The following CTNNA3 variants were observed in gnomAD, a reference collection of about 807,000 sequenced individuals.
CTNNA3 encodes the protein catenin alpha-3.
Under a neutral mutation model 95.7 loss-of-function variants are expected in CTNNA3, and 76 were observed. The observed-to-expected ratio is 0.79, with a 90% CI of 0.66 to 0.96. CTNNA3 has a LOEUF of 0.96. Ranked by LOEUF, CTNNA3 falls within the 40% of genes least tolerant of loss-of-function variation. The pLI is 0.00. For synonymous variants in CTNNA3, 431 were observed against 374.4 expected (o/e 1.15, Z -1.74); for missense variants, 1,191 against 1,089.8 (o/e 1.09, Z -1.31).
At chr10:67,392,997 G>A (rs1283443187) in intron 5 of CTNNA3, among the ~76,000 whole-genome samples, 2 of 151,836 alleles carry the variant, frequency 1.3e-5, no homozygotes, top group African/African-American at 2.4e-5. Flanking sequence ...CATGGCACAT[G>A]TATACATATG....
intron 12 of CTNNA3, among the ~76,000 whole-genome samples, chr10:66,328,280 T>G (rs1335665734): frequency 6.6e-6 from 1 of 152,094 alleles, no homozygotes; most frequent in East Asian, 1.9e-4. Context: ...AAAACAGGGC[T>G]TAGATCATTT....
At position 66,009,510 on chromosome 10, in the gene CTNNA3, G is replaced by A. The variant is rs192437282; in HGVS notation, c.2160-20713C>T. On this transcript the variant is annotated intron_variant, in intron 15 of 17. Transcript: ENST00000433211. The stretch of plus-strand genomic sequence containing the variant: ...ATCCTGGGAAGGCTACAATGTTTAC[G>A]TTTTAGATAACAAATTTAAAGAAAC... Among the ~76,000 whole-genome samples, 240 of 150,860 alleles carry A rather than the reference G, an allele frequency of 1.6e-3. 3 individuals carry two copies. Among genetic ancestry groups the A allele is most frequent in the Admixed American group, 0.012 (190 of 15,256 alleles).
In CTNNA3 at chr10:66,045,521, AT is replaced by A. The variant is rs1263235602; in HGVS notation, c.2159+23786del. ...TGTAGAAATATATTTATTTACTTTG[AT>A]TTTGGTATCTCTAGTGGCATCCTAA... is the stretch of plus-strand genomic sequence containing the variant. On this transcript the variant is annotated intron_variant, in intron 15 of 17. Coordinates refer to ENST00000433211, the MANE Select transcript of CTNNA3 (RefSeq NM_013266.4). 2.6e-5 allele frequency among the ~76,000 whole-genome samples: 4 copies of A among 152,138 alleles called. No homozygotes were observed. In the South Asian group the frequency reaches 8.3e-4, roughly 32 times the overall value.
chr10:66,334,800 T>A (rs1381850972), intron 12 of CTNNA3, among the ~76,000 whole-genome samples: 3 of 152,108 alleles, frequency 2.0e-5, no homozygotes, highest in Non-Finnish European at 4.4e-5. Context: ...ATTGGGGAAG[T>A]TCTCCTGGAT....
chr10:66,050,801 C>T (rs1409003459), intron 15 of CTNNA3, among the ~76,000 whole-genome samples: 1 of 151,990 alleles, frequency 6.6e-6, no homozygotes, highest in Non-Finnish European at 1.5e-5. Context: ...TTTATGAATT[C>T]TTCATTAATC....
chr10:67,164,358 G>A (rs1291370567), intron 7 of CTNNA3, among the ~76,000 whole-genome samples: 1 of 151,978 alleles, frequency 6.6e-6, no homozygotes, highest in African/African-American at 2.4e-5. Context: ...GTAATCCAAT[G>A]GAGGAACAAA....
chr10:66,607,586 G>T (rs1844175397), intron 10 of CTNNA3, among the ~76,000 whole-genome samples: 2 of 151,066 alleles, frequency 1.3e-5, no homozygotes. Context: ...GAATCCAGCA[G>T]CACATCAAAA....
intron 9 of CTNNA3, among the ~76,000 whole-genome samples, chr10:66,761,589 A>C (rs1738617188): frequency 6.6e-6 from 1 of 152,146 alleles, no homozygotes; most frequent in South Asian, 2.1e-4. Context: ...AAAAGAGTGA[A>C]ATTTTTCAAA....
At chr10:67,364,094 C>A (rs1206295289) in intron 5 of CTNNA3, among the ~76,000 whole-genome samples, 2 of 152,062 alleles carry the variant, frequency 1.3e-5, no homozygotes, top group African/African-American at 2.4e-5. Flanking sequence ...CTGACAAACC[C>A]AATCCAGCAG....
At chr10:67,530,189 G>C (rs1840283907) in intron 4 of CTNNA3, among the ~76,000 whole-genome samples, 2 of 152,346 alleles carry the variant, frequency 1.3e-5, no homozygotes, top group South Asian at 4.1e-4. Flanking sequence ...GGTACCAGTA[G>C]AGTGGGGTGC....
Position 67,139,660 on chromosome 10 carries a change from G to A in CTNNA3, c.1047+40657C>T, listed in dbSNP as rs548249358. 1.2e-3 allele frequency among the ~76,000 whole-genome samples: 187 copies of A among 152,110 alleles called. 1 individual carries two copies. Among genetic ancestry groups the A allele is most frequent in the African/African-American group, 4.2e-3 (174 of 41,496 alleles). Reference sequence around the variant, plus strand: ...ACTCCTGGCCTCAGGTGATTTGCCCGCCTCAGCCTCCCAAAGTGCTGGAAT... The same window carrying A: ...ACTCCTGGCCTCAGGTGATTTGCCCACCTCAGCCTCCCAAAGTGCTGGAAT... On this transcript the variant is annotated intron_variant, in intron 7 of 17. Coordinates refer to ENST00000433211, the MANE Select transcript of CTNNA3 (RefSeq NM_013266.4).
At chr10:67,483,940 T>A (rs1029497900) in intron 5 of CTNNA3, among the ~76,000 whole-genome samples, 1 of 152,110 alleles carries the variant, frequency 6.6e-6, no homozygotes, top group African/African-American at 2.4e-5. Flanking sequence ...CCTATCAAAC[T>A]GCCAATGACA....
chr10:67,255,669 G>A (rs1866320992), intron 5 of CTNNA3, among the ~76,000 whole-genome samples: 1 of 152,172 alleles, frequency 6.6e-6, no homozygotes, highest in Non-Finnish European at 1.5e-5. Flanking sequence ...CAGTGAAGGT[G>A]AGATTTAATC....
intron 7 of CTNNA3, among the ~76,000 whole-genome samples, chr10:67,069,865 CTGTT>C (rs1856338461): frequency 6.6e-6 from 1 of 152,114 alleles, no homozygotes; most frequent in Non-Finnish European, 1.5e-5. Flanking sequence ...ACAAAAAGGG[CTGTT>C]TGAACACTTT....
intron 7 of CTNNA3, among the ~76,000 whole-genome samples, chr10:66,984,446 TGAGA>T (rs769435752): frequency 6.6e-6 from 1 of 152,156 alleles, no homozygotes; most frequent in African/African-American, 2.4e-5. Context: ...AATGTAAATA[TGAGA>T]GAAAGAGTAA....
chr10:67,710,960 T>C (rs1841104002), intron 1 of CTNNA3, among the ~76,000 whole-genome samples: 1 of 152,284 alleles, frequency 6.6e-6, no homozygotes, highest in South Asian at 2.1e-4. Context: ...ATTTGAATCA[T>C]GGGGGCAGGT....
At chr10:67,370,316 G>T (rs997662185) in intron 5 of CTNNA3, among the ~76,000 whole-genome samples, 17 of 151,816 alleles carry the variant, frequency 1.1e-4, no homozygotes, top group Admixed American at 1.3e-4. Context: ...AATTCATTTT[G>T]ATATATAATT....
chr10:66,761,757 G>A (rs1461026304), intron 9 of CTNNA3, among the ~76,000 whole-genome samples: 4 of 152,154 alleles, frequency 2.6e-5, no homozygotes, highest in Non-Finnish European at 4.4e-5. Flanking sequence ...CAAAGGGCTT[G>A]AAAGATGTTA....
chr10:66,233,229 A>G (rs1589805215), intron 13 of CTNNA3, among the ~76,000 whole-genome samples: 1 of 151,848 alleles, frequency 6.6e-6, no homozygotes, highest in East Asian at 1.9e-4. Context: ...GAAAGGAAAA[A>G]CAATAAAGTT....
Sources: allele counts gnomAD v4.1 joint callset (sites outside exome capture counted in the v4.1 genomes callset), GRCh38; gene constraint gnomAD v4.1.1; transcripts MANE v1.5; gene names NCBI Gene and HGNC (gene_info 2026-07-23, HGNC 2026-07-21).